GALNT17: variants seen among roughly 807,000 people sequenced by gnomAD.
GALNT17 encodes the protein UDP-GalNAc:polypeptide N-acetylgalactosaminyltransferase-like 3.
In GALNT17, 29 loss-of-function variants were observed where a neutral mutation model predicts 63.7. That is an observed-to-expected ratio of 0.46 (90% CI 0.34 to 0.62). GALNT17 has a LOEUF of 0.62. Ranked by LOEUF, GALNT17 falls within the 20% of genes least tolerant of loss-of-function variation. The probability of loss-of-function intolerance (pLI) is 0.01; values close to 1 mark genes in which losing one functional copy is unlikely to be tolerated. For synonymous variants in GALNT17, 305 were observed against 318.3 expected (o/e 0.96, Z 0.45); for missense variants, 603 against 799.6 (o/e 0.75, Z 2.97).
At chr7:71,472,043 G>C (rs1787640914) in intron 5 of GALNT17, among the ~76,000 whole-genome samples, 1 of 152,006 alleles carries the variant, frequency 6.6e-6, no homozygotes, top group South Asian at 2.1e-4. Context: ...AGTTCTGGAG[G>C]CTGGGAAGTC....
At chr7:71,511,627 A>G (rs1788358018) in intron 5 of GALNT17, among the ~76,000 whole-genome samples, 1 of 152,132 alleles carries the variant, frequency 6.6e-6, no homozygotes, top group Non-Finnish European at 1.5e-5. Flanking sequence ...TAGCCTAAGT[A>G]TCACTTTATG....
intron 3 of GALNT17, among the ~76,000 whole-genome samples, chr7:71,403,191 A>G (rs770187571): frequency 3.9e-5 from 6 of 152,230 alleles, no homozygotes; most frequent in Non-Finnish European, 7.3e-5. Context: ...AAGAACAACA[A>G]CAAAACCCTT....
At position 71,710,947 on chromosome 7, in the gene GALNT17, G is replaced by A; in HGVS notation, c.1668+19G>A. 2 of 1,611,442 alleles carry A rather than the reference G, an allele frequency of 1.2e-6. No homozygotes were observed. The highest frequency in any genetic ancestry group is 1.7e-6 in the Non-Finnish European group (2 of 1,179,234). On this transcript the variant is annotated intron_variant, in intron 10 of 10. Transcript: ENST00000333538. ...CATCCAGGTGAGTGCTGTATGGACA[G>A]AGCCAGCACCCAGAGTAGCTGCAAG...
intron 6 of GALNT17, among the ~76,000 whole-genome samples, chr7:71,655,797 G>GC (rs1790820088): frequency 6.6e-6 from 1 of 152,156 alleles, no homozygotes; most frequent in Non-Finnish European, 1.5e-5. Flanking sequence ...CAGAAGGGGT[G>GC]CCAGGGAACA....
chr7:71,583,559 C>T (rs1375964923), intron 6 of GALNT17, among the ~76,000 whole-genome samples: 3 of 152,070 alleles, frequency 2.0e-5, no homozygotes, highest in African/African-American at 4.8e-5. Flanking sequence ...CAGTGCAGAA[C>T]GAAGTTTTAT....
chr7:71,423,190 C>T (rs1563081616), intron 5 of GALNT17, among the ~76,000 whole-genome samples: 1 of 152,164 alleles, frequency 6.6e-6, no homozygotes, highest in African/African-American at 2.4e-5. Context: ...AATACCTGTC[C>T]TCATTTAGGT....
intron 5 of GALNT17, among the ~76,000 whole-genome samples, chr7:71,495,844 T>C (rs1474879048): frequency 6.6e-6 from 1 of 152,140 alleles, no homozygotes; most frequent in Non-Finnish European, 1.5e-5. Context: ...TCCAGGAGTA[T>C]CTGATTTTGG....
In GALNT17 at chr7:71,377,114, A is replaced by AAAAAAAAT; in HGVS notation, c.423-11120_423-11119insAAAAAATA. 1.8e-3 allele frequency among the ~76,000 whole-genome samples: 105 copies of AAAAAAAAT among 57,446 alleles called. 14 individuals are homozygous for AAAAAAAAT. Among genetic ancestry groups the AAAAAAAAT allele is most frequent in the Non-Finnish European group, 2.3e-3 (77 of 33,266 alleles). The allele number at this position is 57,446 out of a possible 152,430, so 37.7% of individuals were successfully genotyped here. A position where few individuals can be genotyped will look rare whatever the true frequency, so the allele number is the denominator to read the frequency against. On this transcript the variant is annotated intron_variant, in intron 2 of 10. Coordinates refer to ENST00000333538, the MANE Select transcript of GALNT17 (RefSeq NM_022479.3). Reference sequence around the variant, plus strand: ...AAAAAAAAAAAATAAAAATAAAAAAAATATATATATATATATATATATATA... The same window carrying AAAAAAAAT: ...AAAAAAAAAAAATAAAAATAAAAAAAAAAAAAATATATATATATATATATATATATATA...
At chr7:71,683,721 G>A (rs1037743864) in intron 9 of GALNT17, among the ~76,000 whole-genome samples, 4 of 152,052 alleles carry the variant, frequency 2.6e-5, no homozygotes, top group Admixed American at 1.3e-4. Context: ...AAAATAGAAT[G>A]TCAAGGCTGG....
chr7:71,193,908 C>A (rs765999047), intron 1 of GALNT17, among the ~76,000 whole-genome samples: 1 of 152,076 alleles, frequency 6.6e-6, no homozygotes. Context: ...TCTTTCGGGG[C>A]GTATTGACAA....
intron 1 of GALNT17, among the ~76,000 whole-genome samples, chr7:71,176,567 G>A (rs1272543615): frequency 6.6e-6 from 1 of 152,128 alleles, no homozygotes; most frequent in Non-Finnish European, 1.5e-5. Context: ...GATTTGTTGG[G>A]AAATACTGCA....
chr7:71,221,011 T>A (rs914359807), intron 1 of GALNT17, among the ~76,000 whole-genome samples: 1 of 152,108 alleles, frequency 6.6e-6, no homozygotes, highest in African/African-American at 2.4e-5. Context: ...CTGCTGGGAG[T>A]CTAGGCCTGC....
intron 1 of GALNT17, among the ~76,000 whole-genome samples, chr7:71,325,261 A>G (rs538849393): frequency 6.6e-6 from 1 of 152,304 alleles, no homozygotes; most frequent in African/African-American, 2.4e-5. Flanking sequence ...ATAAGGTAGG[A>G]TCTCCCTGAG....
At chr7:71,591,808 G>A (rs530963789) in intron 6 of GALNT17, among the ~76,000 whole-genome samples, 8 of 151,986 alleles carry the variant, frequency 5.3e-5, no homozygotes, top group South Asian at 2.1e-4. Flanking sequence ...GATTACAGGC[G>A]CATGCCACCA....
rs980263303 is a variant in GALNT17, at chr7:71,366,031, C to T, written c.423-22204C>T. On this transcript the variant is annotated intron_variant, in intron 2 of 10. Transcript: ENST00000333538. ...AGGCATTAGATTCTCATAAGGAGCT[C>T]GCAACCTAGATCCCTCGTATGCTCA... Among the ~76,000 whole-genome samples the T allele has an allele frequency of 5.9e-5, 9 of 152,236 alleles. No individual in the cohort carries two copies. In the South Asian group the frequency reaches 8.3e-4, roughly 14 times the overall value.
intron 6 of GALNT17, among the ~76,000 whole-genome samples, chr7:71,649,818 T>C (rs1474619995): frequency 6.6e-6 from 1 of 152,228 alleles, no homozygotes; most frequent in African/African-American, 2.4e-5. Flanking sequence ...ACCATAATTC[T>C]GCCTAAAGCC....
intron 5 of GALNT17, among the ~76,000 whole-genome samples, chr7:71,534,655 A>G (rs4637695): frequency 0.33 from 49,910 of 151,124 alleles, 9,318 homozygotes; most frequent in Middle Eastern, 0.47. Context: ...TATCACAAGA[A>G]CAGCATGGAG....
At chr7:71,423,882 T>TCCA (rs1786711123) in intron 5 of GALNT17, among the ~76,000 whole-genome samples, 5 of 152,014 alleles carry the variant, frequency 3.3e-5, no homozygotes, top group Non-Finnish European at 5.9e-5. Flanking sequence ...TGATCACTCC[T>TCCA]CTGCACTCCA....
At chr7:71,253,621 TC>T (rs1446015011) in intron 1 of GALNT17, among the ~76,000 whole-genome samples, 4 of 152,120 alleles carry the variant, frequency 2.6e-5, no homozygotes, top group Non-Finnish European at 5.9e-5. Context: ...CACTGATATT[TC>T]CTGTGGTTTT....
Sources: allele counts gnomAD v4.1 joint callset (sites outside exome capture counted in the v4.1 genomes callset), GRCh38; gene constraint gnomAD v4.1.1; transcripts MANE v1.5; gene names NCBI Gene and HGNC (gene_info 2026-07-23, HGNC 2026-07-21).